Variants in NDST3 observed in about 807,000 individuals in gnomAD.
The protein encoded by NDST3 is bifunctional heparan sulfate N-deacetylase/N-sulfotransferase 3.
Under a neutral mutation model 96.1 loss-of-function variants are expected in NDST3, and 58 were observed. That is an observed-to-expected ratio of 0.60 (90% confidence interval 0.49 to 0.75). The LOEUF is 0.75. Ranked by LOEUF, NDST3 falls within the 30% of genes least tolerant of loss-of-function variation. The pLI is 0.00. For synonymous variants in NDST3, 333 were observed against 359.7 expected (o/e 0.93, Z 0.84); for missense variants, 788 against 1,034.2 (o/e 0.76, Z 3.27).
intron 12 of NDST3, among the ~76,000 whole-genome samples, chr4:118,252,018 A>C (rs1741778112): frequency 6.6e-6 from 1 of 152,144 alleles, no homozygotes; most frequent in Non-Finnish European, 1.5e-5. Context: ...CTGTCACCCT[A>C]GATATTTCAG....
At chr4:118,212,363 AC>A (rs1738857282) in intron 6 of NDST3, among the ~76,000 whole-genome samples, 1 of 151,994 alleles carries the variant, frequency 6.6e-6, no homozygotes, top group Non-Finnish European at 1.5e-5. Flanking sequence ...ACATGGCGAA[AC>A]CCCATTTCTA....
At chr4:118,137,963 T>G (rs1578709443) in intron 4 of NDST3, 91 bp from the exon 5 acceptor site, 11 of 1,063,340 alleles carry the variant, frequency 1.0e-5, no homozygotes, top group Non-Finnish European at 1.5e-5. Context: ...CATTTAAATA[T>G]ATATATTTAC....
chr4:118,102,187 G>A (rs1336747190), intron 2 of NDST3, among the ~76,000 whole-genome samples: 1 of 151,760 alleles, frequency 6.6e-6, no homozygotes, highest in African/African-American at 2.4e-5. Flanking sequence ...TTGATACATG[G>A]AATTGTAAAT....
chr4:118,175,340 T>C (rs150566727), intron 6 of NDST3, among the ~76,000 whole-genome samples: 2 of 152,230 alleles, frequency 1.3e-5, no homozygotes, highest in Admixed American at 1.3e-4. Context: ...CTTATTTTCA[T>C]TCCTCTAGTA....
At chr4:118,173,533 C>T (rs1019133394) in intron 6 of NDST3, among the ~76,000 whole-genome samples, 7 of 151,876 alleles carry the variant, frequency 4.6e-5, no homozygotes, top group African/African-American at 1.5e-4. Flanking sequence ...AAGAGTAAAC[C>T]ACCAAAACAA....
intron 12 of NDST3, among the ~76,000 whole-genome samples, chr4:118,246,326 C>T (rs72919220): frequency 0.021 from 3,174 of 152,226 alleles, 126 homozygotes; most frequent in African/African-American, 0.072. Flanking sequence ...AAGATTTAGG[C>T]TGGGTGGGGT....
At chr4:118,188,548 T>A (rs1737113790) in intron 6 of NDST3, among the ~76,000 whole-genome samples, 4 of 152,042 alleles carry the variant, frequency 2.6e-5, no homozygotes, top group African/African-American at 9.7e-5. Context: ...ATAATTTGAC[T>A]TGCACCATGG....
intron 4 of NDST3, among the ~76,000 whole-genome samples, chr4:118,128,143 A>C (rs1732279747): frequency 6.6e-6 from 1 of 151,978 alleles, no homozygotes; most frequent in Admixed American, 6.6e-5. Context: ...AGGATAATTT[A>C]ACTGTTTCTT....
intron 2 of NDST3, among the ~76,000 whole-genome samples, chr4:118,087,849 A>G (rs1384154028): frequency 6.6e-6 from 1 of 152,112 alleles, no homozygotes; most frequent in South Asian, 2.1e-4. Context: ...ATTTTAGTGC[A>G]TGGGAGGTTG....
intron 6 of NDST3, among the ~76,000 whole-genome samples, chr4:118,153,329 C>T (rs1205518415): frequency 6.6e-6 from 1 of 152,030 alleles, no homozygotes; most frequent in African/African-American, 2.4e-5. Flanking sequence ...TTACTCTAAA[C>T]CTCAACACTA....
chr4:118,141,409 C>G (rs1049555752), intron 5 of NDST3, among the ~76,000 whole-genome samples: 1 of 152,148 alleles, frequency 6.6e-6, no homozygotes, highest in Non-Finnish European at 1.5e-5. Context: ...TCTCCTTAGC[C>G]TCCTGTAGTG....
At chr4:118,249,480 A>C (rs1318172829) in intron 12 of NDST3, among the ~76,000 whole-genome samples, 1 of 152,200 alleles carries the variant, frequency 6.6e-6, no homozygotes. Flanking sequence ...TTCTGAATAT[A>C]GCACTAATTT....
intron 6 of NDST3, 86 bp from the exon 7 acceptor site, chr4:118,224,405 G>GA (rs149675053): frequency 5.4e-6 from 7 of 1,298,540 alleles, no homozygotes; most frequent in Non-Finnish European, 7.3e-6. Context: ...ACTACTTAAG[G>GA]AAAAAAACTA....
intron 2 of NDST3, among the ~76,000 whole-genome samples, chr4:118,084,648 A>C (rs547847944): frequency 6.6e-6 from 1 of 152,350 alleles, no homozygotes; most frequent in Admixed American, 6.5e-5. Flanking sequence ...AGCCTGCAAT[A>C]ATAACAAAAT....
intron 2 of NDST3, among the ~76,000 whole-genome samples, chr4:118,056,130 G>T (rs1324868750): frequency 1.3e-5 from 2 of 151,870 alleles, no homozygotes; most frequent in Non-Finnish European, 2.9e-5. Flanking sequence ...AAGATTACAA[G>T]CAATATATAA....
At chr4:118,113,783 A>C (rs1477754728) in intron 3 of NDST3, among the ~76,000 whole-genome samples, 1 of 152,162 alleles carries the variant, frequency 6.6e-6, no homozygotes, top group Non-Finnish European at 1.5e-5. Context: ...GGAAGAACCC[A>C]CTACTCAGGG....
chr4:118,065,178 C>G (rs1726208124), intron 2 of NDST3, among the ~76,000 whole-genome samples: 2 of 152,054 alleles, frequency 1.3e-5, no homozygotes, highest in South Asian at 4.1e-4. Flanking sequence ...ATTCTGTGTA[C>G]CACAAGCTAT....
intron 6 of NDST3, among the ~76,000 whole-genome samples, chr4:118,150,931 T>C (rs1274661457): frequency 6.6e-6 from 1 of 151,572 alleles, no homozygotes; most frequent in Non-Finnish European, 1.5e-5. Context: ...TAAAGACACA[T>C]GCACACGTAT....
chr4:118,090,097 G>A (rs1234160377), intron 2 of NDST3, among the ~76,000 whole-genome samples: 2 of 151,876 alleles, frequency 1.3e-5, no homozygotes, highest in African/African-American at 2.4e-5. Context: ...AGGACCATCT[G>A]ATCCTCACGA....
Sources: allele counts gnomAD v4.1 joint callset (sites outside exome capture counted in the v4.1 genomes callset), GRCh38; gene constraint gnomAD v4.1.1; transcripts MANE v1.5; gene names NCBI Gene and HGNC (gene_info 2026-07-23, HGNC 2026-07-21).